PAK3: variants seen among roughly 807,000 people sequenced by gnomAD.
PAK3 encodes the protein p21 (RAC1) activated kinase 3, also known as serine/threonine-protein kinase PAK 3.
Under a neutral mutation model 41.0 loss-of-function variants are expected in PAK3, and 4 were observed. The observed-to-expected ratio is 0.10, with a 90% confidence interval of 0.05 to 0.22. The LOEUF (loss-of-function observed/expected upper bound fraction) is 0.22. Ranked by LOEUF, PAK3 falls within the 10% of genes least tolerant of loss-of-function variation. PAK3 has a pLI of 1.00. For missense variants in PAK3, 205 were observed against 409.9 expected (o/e 0.50, Z 4.32); for synonymous variants, 146 against 139.6 (o/e 1.05, Z -0.32).
chrX:111,178,375 A>G (rs779717803), intron 11 of PAK3, among the ~76,000 whole-genome samples: 1 of 111,611 alleles, frequency 9.0e-6, no homozygotes, highest in Non-Finnish European at 1.9e-5. Context: ...GTAGAGGAAT[A>G]AAGGGAGAAT....
intron 11 of PAK3, among the ~76,000 whole-genome samples, chrX:111,189,278 A>T (rs960778584): frequency 7.1e-5 from 8 of 112,117 alleles, no homozygotes; most frequent in Admixed American, 1.9e-4. Flanking sequence ...GTTGCATAAT[A>T]TTCCATGGTG....
At chrX:111,095,981 C>T (rs11797220), upstream of PAK3, among the ~76,000 whole-genome samples, 1 of 111,419 alleles carries the variant, frequency 9.0e-6, no homozygotes, top group Non-Finnish European at 1.9e-5. Flanking sequence ...GTTTCCATCT[C>T]CTTTCCCTTT....
At chrX:111,151,541 A>G (rs2094026398) in intron 7 of PAK3, among the ~76,000 whole-genome samples, 1 of 111,855 alleles carries the variant, frequency 8.9e-6, no homozygotes, top group Admixed American at 9.5e-5. Flanking sequence ...GAGAGAAGAA[A>G]GTGGGAAAAA....
At chrX:111,029,431 G>A (rs1332361311) in intron 1 of PAK3, among the ~76,000 whole-genome samples, 1 of 111,675 alleles carries the variant, frequency 9.0e-6, no homozygotes, top group East Asian at 2.8e-4. Context: ...AAGCAGTACT[G>A]AGAACATAAA....
intron 4 of PAK3, among the ~76,000 whole-genome samples, chrX:111,106,022 CTG>C (rs1378428881): frequency 1.8e-5 from 2 of 111,683 alleles, no homozygotes; most frequent in African/African-American, 6.5e-5. Flanking sequence ...ACATTCACGA[CTG>C]TACACTCAAA....
chrX:110,974,501 A>G (rs1010180561), intron 1 of PAK3, among the ~76,000 whole-genome samples: 2 of 111,753 alleles, frequency 1.8e-5, no homozygotes, highest in African/African-American at 3.3e-5. Flanking sequence ...CCAGGACCAG[A>G]TGGATTTACA....
At chrX:111,207,103 T>TAC (rs2094759163) in intron 16 of PAK3, among the ~76,000 whole-genome samples, 2 of 105,955 alleles carry the variant, frequency 1.9e-5, no homozygotes, top group Admixed American at 2.0e-4. Flanking sequence ...TGTGTGTATA[T>TAC]ATATATACAT....
intron 11 of PAK3, among the ~76,000 whole-genome samples, chrX:111,186,778 A>T (rs1230574888): frequency 5.3e-5 from 6 of 112,253 alleles, no homozygotes; most frequent in African/African-American, 1.9e-4. Context: ...GAATTAGAAA[A>T]ACTACTTTAT....
intron 10 of PAK3, among the ~76,000 whole-genome samples, chrX:111,165,530 C>A (rs1450743462): frequency 1.8e-5 from 2 of 112,112 alleles, no homozygotes; most frequent in African/African-American, 3.2e-5. Flanking sequence ...TACACTTTTT[C>A]CATTACCTAC....
chrX:111,114,625 A>G (rs756809621), intron 4 of PAK3, among the ~76,000 whole-genome samples: 2 of 111,846 alleles, frequency 1.8e-5, no homozygotes, highest in South Asian at 7.6e-4. Flanking sequence ...GCAGAAGAGT[A>G]TAGGGCATGC....
At position 111,223,991 on chromosome X, in the gene PAK3, A is replaced by G. The variant is rs908259899; in HGVS notation, c.*3544A>G. 1.8e-5 allele frequency: 2 copies of G among 111,907 alleles called. No individual in the cohort carries two copies. The highest frequency in any genetic ancestry group is 6.5e-5 in the African/African-American group (2 of 30,826). 9.2% of individuals were successfully genotyped at this position (111,907 alleles called of 1,213,427 possible). Reference sequence around the variant, plus strand: ...ATTGTTATAATATTGCTTTACAATAAATAAACAGCAGAAAGGGAACTATAG... The same window carrying G: ...ATTGTTATAATATTGCTTTACAATAGATAAACAGCAGAAAGGGAACTATAG... On this transcript the variant is annotated 3_prime_UTR_variant, in exon 18 of 18. Transcript: ENST00000372007.
chrX:111,030,138 G>C (rs1346961751), intron 1 of PAK3, among the ~76,000 whole-genome samples: 2 of 111,822 alleles, frequency 1.8e-5, no homozygotes, highest in Admixed American at 9.5e-5. Context: ...TAATAGATTT[G>C]TGTATTTTTA....
Position 111,226,382 on chromosome X carries a change from C to T in PAK3, c.*5935C>T, listed in dbSNP as rs1228540022. On this transcript the variant is annotated 3_prime_UTR_variant, in exon 18 of 18. Coordinates refer to ENST00000372007, the MANE Select transcript of PAK3 (RefSeq NM_002578.5). ...AAGCTGTGGCCAGTATTTGCCACTA[C>T]AACAGAAACACACTGTCACACTTGC... is the stretch of plus-strand genomic sequence containing the variant. The T allele has an allele frequency of 1.8e-5, 2 of 111,551 alleles. No homozygotes were observed. Among genetic ancestry groups the T allele is most frequent in the Non-Finnish European group, 3.8e-5 (2 of 53,216 alleles). The allele number at this position is 111,551 out of a possible 1,213,427, so 9.2% of individuals were successfully genotyped here.
chrX:111,144,263 G>T (rs1383307741), intron 6 of PAK3, among the ~76,000 whole-genome samples: 3 of 111,830 alleles, frequency 2.7e-5, no homozygotes, highest in Non-Finnish European at 5.7e-5. Context: ...TAGCTGTTCG[G>T]AAGTATTCCA....
chrX:111,087,655 C>T (rs762824756), intron 1 of PAK3, among the ~76,000 whole-genome samples: 1 of 102,682 alleles, frequency 9.7e-6, no homozygotes, highest in African/African-American at 3.6e-5. Flanking sequence ...CAGTTTTACC[C>T]AAATATTCAA....
chrX:110,978,848 A>G (rs1252271548), intron 1 of PAK3, among the ~76,000 whole-genome samples: 1 of 109,338 alleles, frequency 9.1e-6, no homozygotes, highest in Non-Finnish European at 1.9e-5. Context: ...AGTGAATTGG[A>G]AAGTGTTTTT....
rs751939353 is a variant in PAK3, at chrX:111,192,193, A to G, written c.879+18A>G. 6.9e-6 allele frequency: 7 copies of G among 1,007,236 alleles called. No individual in the cohort carries two copies. The African/African-American group carries it at 1.3e-4, about 19-fold the overall frequency. The allele number at this position is 1,007,236 out of a possible 1,213,427, so 83.0% of individuals were successfully genotyped here. A position where few individuals can be genotyped will look rare whatever the true frequency, so the allele number is the denominator to read the frequency against. ...GACAAGAGGTAAGTGCTAACGTTCA[A>G]TCCTGATTTTTATTTTCTTTTATTC... On this transcript the variant is annotated intron_variant, in intron 12 of 17. Coordinates refer to ENST00000372007, the MANE Select transcript of PAK3 (RefSeq NM_002578.5).
intron 17 of PAK3, 64 bp from the exon 18 acceptor site, chrX:111,220,294 G>A: frequency 4.3e-6 from 3 of 693,041 alleles, no homozygotes; most frequent in Non-Finnish European, 7.0e-6. Flanking sequence ...GCTTGAAAAT[G>A]TAAAGTAATA....
At chrX:111,005,374 G>A (rs905734012) in intron 1 of PAK3, among the ~76,000 whole-genome samples, 25 of 111,576 alleles carry the variant, frequency 2.2e-4, no homozygotes, top group African/African-American at 8.2e-4. Flanking sequence ...CTAAGGGATG[G>A]AAACAGAACA....
Sources: gnomAD v4.1 joint callset for allele counts (sites outside exome capture counted in the v4.1 genomes callset) on GRCh38, gnomAD v4.1.1 for gene constraint, MANE v1.5 for transcripts, NCBI Gene and HGNC (gene_info 2026-07-23, HGNC 2026-07-21) for gene names.